TNNI3K: variants seen among roughly 807,000 people sequenced by gnomAD.
The protein encoded by TNNI3K is TNNI3 interacting kinase.
Under a neutral mutation model 114.5 loss-of-function variants are expected in TNNI3K, and 140 were observed. The observed-to-expected ratio is 1.22, with a 90% CI of 1.07 to 1.41. The LOEUF (loss-of-function observed/expected upper bound fraction) is 1.41, where lower values mean the gene tolerates loss of function less well. Among genes scored for constraint, TNNI3K ranks in the 40% most tolerant of loss-of-function variants. TNNI3K has a pLI of 0.00. For synonymous variants in TNNI3K, 347 were observed against 347.5 expected (o/e 1.00, Z 0.02); for missense variants, 1,125 against 1,007.6 (o/e 1.12, Z -1.58).
Position 74,303,271 on chromosome 1 carries a change from G to T in TNNI3K, c.445-28179G>T, listed in dbSNP as rs143563447. Among the ~76,000 whole-genome samples the T allele has an allele frequency of 3.0e-3, 460 of 152,150 alleles. 3 individuals are homozygous for T. The highest frequency in any genetic ancestry group is 0.011 in the African/African-American group (453 of 41,516). On this transcript the variant is annotated intron_variant, in intron 5 of 24. Transcript: ENST00000326637. ...TGAAGTGGCATGATCTTGGCTCACTGCAACCTCCACCCCCAGGTTCAAGTG... is the reference window on the plus strand; with the variant it reads ...TGAAGTGGCATGATCTTGGCTCACTTCAACCTCCACCCCCAGGTTCAAGTG...
chr1:74,451,088 T>C (rs985681386), intron 20 of TNNI3K, among the ~76,000 whole-genome samples: 3 of 152,202 alleles, frequency 2.0e-5, no homozygotes, highest in Admixed American at 1.3e-4. Flanking sequence ...AATGAGATCA[T>C]GTCCTTTGCA....
At position 74,319,581 on chromosome 1, in the gene TNNI3K, T is replaced by A. The variant is rs540705584; in HGVS notation, c.445-11869T>A. On this transcript the variant is annotated intron_variant, in intron 5 of 24. Transcript: ENST00000326637. ...CATTACCCCAGGAAACTTAGCATGATGCTATACTCATGTTTTGGCCTCATC... is the reference window on the plus strand; with the variant it reads ...CATTACCCCAGGAAACTTAGCATGAAGCTATACTCATGTTTTGGCCTCATC... Among the ~76,000 whole-genome samples the A allele has an allele frequency of 6.5e-3, 993 of 152,314 alleles. 10 individuals carry two copies. The highest frequency in any genetic ancestry group is 0.023 in the African/African-American group (947 of 41,566).
intron 21 of TNNI3K, chr1:74,475,489 A>AC (rs776625841): frequency 1.6e-4 from 114 of 716,824 alleles, no homozygotes; most frequent in South Asian, 1.2e-3. Flanking sequence ...AGTGCTGCCT[A>AC]CCCCACGGTC....
chr1:74,308,713 A>G (rs928920756), intron 5 of TNNI3K, among the ~76,000 whole-genome samples: 1 of 152,180 alleles, frequency 6.6e-6, no homozygotes, highest in Non-Finnish European at 1.5e-5. Flanking sequence ...AATGAAATGA[A>G]AAATTGGCTT....
At chr1:74,362,982 A>G (rs1427406318) in intron 11 of TNNI3K, among the ~76,000 whole-genome samples, 2 of 152,134 alleles carry the variant, frequency 1.3e-5, no homozygotes, top group East Asian at 1.9e-4. Context: ...GGCTAATAAC[A>G]TAGCGACCTT....
At chr1:74,541,251 G>A (rs1174596850) in intron 24 of TNNI3K, among the ~76,000 whole-genome samples, 11 of 152,164 alleles carry the variant, frequency 7.2e-5, no homozygotes, top group African/African-American at 2.7e-4. Context: ...CACCTCATCT[G>A]CAGAGACTCA....
At chr1:74,531,528 G>A (rs79196475) in intron 23 of TNNI3K, among the ~76,000 whole-genome samples, 1,725 of 152,254 alleles carry the variant, frequency 0.011, 42 homozygotes, top group African/African-American at 0.04. Context: ...CATTTACCCC[G>A]TCTGACAGAT....
intron 11 of TNNI3K, among the ~76,000 whole-genome samples, chr1:74,356,674 G>A (rs1177508871): frequency 6.6e-6 from 1 of 152,156 alleles, no homozygotes; most frequent in African/African-American, 2.4e-5. Context: ...CTGATTGAGA[G>A]TGATAGTTGA....
rs1661479929 is a variant in TNNI3K at position 74,353,310 on chromosome 1, T to A, written c.977T>A (p.Leu326His). 3 of 1,613,924 alleles carry A rather than the reference T, an allele frequency of 1.9e-6. No homozygotes were observed. The highest frequency in any genetic ancestry group is 1.6e-4 in the Middle Eastern group (1 of 6,062). ...AGCATTGACCTAGTCAAATTTCTTC[T>A]TGATCAGAATGTCATAAACATCAAC... ...GKSIDLVKFLLDQNVININHQ... is the reference protein window; with the variant it reads ...GKSIDLVKFLHDQNVININHQ... Residue 326 changes from leucine (L) to histidine (H), a missense_variant, in exon 10 of 25, where the codon CTT becomes CAT. Physicochemically the swap from Leu to His is moderately conservative, Grantham distance 99. Coordinates refer to ENST00000326637, the MANE Select transcript of TNNI3K (RefSeq NM_015978.3).
At chr1:74,506,955 C>G (rs1014994855) in intron 23 of TNNI3K, among the ~76,000 whole-genome samples, 6 of 152,046 alleles carry the variant, frequency 3.9e-5, no homozygotes, top group African/African-American at 1.4e-4. Context: ...GAATAAGTTT[C>G]TTGAGGGGGA....
At chr1:74,262,235 G>A (rs1394080044) in intron 4 of TNNI3K, among the ~76,000 whole-genome samples, 1 of 151,994 alleles carries the variant, frequency 6.6e-6, no homozygotes, top group East Asian at 1.9e-4. Flanking sequence ...TGCTGTGGGA[G>A]GCTGTCCTTT....
rs558275236 is a variant in TNNI3K at position 74,439,428 on chromosome 1, T to C, written c.1879-62T>C. On this transcript the variant is annotated intron_variant, in intron 19 of 24. Coordinates refer to ENST00000326637, the MANE Select transcript of TNNI3K (RefSeq NM_015978.3). Reference sequence around the variant, plus strand: ...AGTAAATTCTCACTAAGAAGAATGCTACTCTGCAGTGGAAGAACCAAACAC... The same window carrying C: ...AGTAAATTCTCACTAAGAAGAATGCCACTCTGCAGTGGAAGAACCAAACAC... 30 of 1,579,740 alleles carry C rather than the reference T, an allele frequency of 1.9e-5. No individual in the cohort carries two copies. In the East Asian group the frequency reaches 6.1e-4, roughly 32 times the overall value.
chr1:74,309,409 C>T (rs1184155421), intron 5 of TNNI3K, among the ~76,000 whole-genome samples: 1 of 134,030 alleles, frequency 7.5e-6, no homozygotes, highest in Non-Finnish European at 1.6e-5. Context: ...CTTACTGAAA[C>T]TATTCCAAAA....
intron 11 of TNNI3K, 143 bp from the exon 12 acceptor site, chr1:74,367,113 G>T (rs1662313568): frequency 1.3e-6 from 1 of 754,052 alleles, no homozygotes; most frequent in East Asian, 2.7e-5. Context: ...AAGAATGAAT[G>T]AACTAAATTT....
chr1:74,378,648 TC>T (rs1663046368), intron 17 of TNNI3K: 1 of 124,444 alleles, frequency 8.0e-6, no homozygotes, highest in Non-Finnish European at 1.7e-5. Flanking sequence ...ATATTTCATT[TC>T]ATCACCTCAG....
At chr1:74,350,836 C>A (rs12131873) in intron 9 of TNNI3K, among the ~76,000 whole-genome samples, 5,356 of 152,130 alleles carry the variant, frequency 0.035, 141 homozygotes, top group Non-Finnish European at 0.055. Flanking sequence ...TTCCTCCATC[C>A]CTTTATTTTG....
intron 5 of TNNI3K, among the ~76,000 whole-genome samples, chr1:74,302,699 A>G (rs796827513): frequency 2.2e-4 from 34 of 152,328 alleles, no homozygotes; most frequent in African/African-American, 7.0e-4. Context: ...ACTCTTTTCA[A>G]TTCTATGAAG....
At chr1:74,453,376 G>T (rs538076532) in intron 20 of TNNI3K, among the ~76,000 whole-genome samples, 2 of 152,182 alleles carry the variant, frequency 1.3e-5, no homozygotes, top group African/African-American at 4.8e-5. Context: ...CATTTCAGTG[G>T]TTAGGCCATC....
At chr1:74,341,889 T>A (rs1056625853) in intron 7 of TNNI3K, 1 of 152,166 alleles carries the variant, frequency 6.6e-6, no homozygotes, top group Non-Finnish European at 1.5e-5. Context: ...ATTGCCAAGA[T>A]AGATTAGGCC....
Sources: gnomAD v4.1 joint callset for allele counts (sites outside exome capture counted in the v4.1 genomes callset) on GRCh38, gnomAD v4.1.1 for gene constraint, MANE v1.5 for transcripts, NCBI Gene and HGNC (gene_info 2026-07-23, HGNC 2026-07-21) for gene names.